Variants in LCLAT1 observed in about 807,000 individuals in gnomAD.
LCLAT1 encodes 1-AGP acyltransferase 8.
LCLAT1 carries 11 observed loss-of-function variants against 30.7 expected under a neutral mutation model. That is an observed-to-expected ratio of 0.36 (90% CI 0.23 to 0.59). LCLAT1 has a LOEUF of 0.59. LCLAT1 is among the 20% of genes least tolerant of loss of function. The pLI is 0.77. For missense variants in LCLAT1, 402 were observed against 458.6 expected (o/e 0.88, Z 1.13); for synonymous variants, 155 against 151.3 (o/e 1.02, Z -0.18).
At chr2:30,536,580 G>T (rs1686255581) in intron 3 of LCLAT1, among the ~76,000 whole-genome samples, 1 of 152,224 alleles carries the variant, frequency 6.6e-6, no homozygotes, top group Admixed American at 6.5e-5. Context: ...CCAGACAAGT[G>T]AAAATGAGGG....
intron 5 of LCLAT1, among the ~76,000 whole-genome samples, chr2:30,605,239 C>G (rs1322366430): frequency 6.6e-6 from 1 of 152,184 alleles, no homozygotes; most frequent in African/African-American, 2.4e-5. Context: ...GCCGTATTTT[C>G]TAATTTAAAT....
chr2:30,548,497 A>G (rs1173509355), intron 3 of LCLAT1, among the ~76,000 whole-genome samples: 1 of 152,190 alleles, frequency 6.6e-6, no homozygotes, highest in African/African-American at 2.4e-5. Flanking sequence ...TTATGTGAAG[A>G]CCTGGGATTA....
rs1360464062 is a variant in LCLAT1, at chr2:30,642,153, G to C, written c.*1534G>C. On this transcript the variant is annotated 3_prime_UTR_variant, in exon 6 of 6. Coordinates refer to ENST00000379509, the MANE Select transcript of LCLAT1 (RefSeq NM_001002257.3). ...CATTGCCATGAAAGGTAAACACATT[G>C]TGAACTGAACTTACCAAGCAGATTC... 6.6e-6 allele frequency: 1 copy of C among 152,094 alleles called. No homozygotes were observed. The highest frequency in any genetic ancestry group is 1.5e-5 in the Non-Finnish European group (1 of 68,018). The allele number at this position is 152,094 out of a possible 1,614,324, so 9.4% of individuals were successfully genotyped here.
At chr2:30,602,512 T>C (rs955378261) in intron 5 of LCLAT1, among the ~76,000 whole-genome samples, 1 of 152,210 alleles carries the variant, frequency 6.6e-6, no homozygotes, top group African/African-American at 2.4e-5. Context: ...GATCCTGCTG[T>C]TGTTTGGCCA....
At chr2:30,493,092 A>G (rs1262901886) in intron 1 of LCLAT1, among the ~76,000 whole-genome samples, 1 of 152,190 alleles carries the variant, frequency 6.6e-6, no homozygotes, top group Non-Finnish European at 1.5e-5. Context: ...GAGATTGTCT[A>G]GTGAAGCAAG....
At chr2:30,557,182 A>G (rs1006829693) in intron 3 of LCLAT1, among the ~76,000 whole-genome samples, 1 of 152,222 alleles carries the variant, frequency 6.6e-6, no homozygotes, top group South Asian at 2.1e-4. Context: ...GAGAATTGCT[A>G]CAGAGAATAC....
intron 1 of LCLAT1, among the ~76,000 whole-genome samples, chr2:30,518,374 T>A (rs1469466485): frequency 6.6e-6 from 1 of 152,202 alleles, no homozygotes; most frequent in East Asian, 1.9e-4. Flanking sequence ...AGGAAAACTC[T>A]TGTAGAAGCA....
chr2:30,488,651 A>G (rs546209769), intron 1 of LCLAT1, among the ~76,000 whole-genome samples: 1 of 152,320 alleles, frequency 6.6e-6, no homozygotes, highest in African/African-American at 2.4e-5. Flanking sequence ...TTAGCACTCA[A>G]TAACTCCCAC....
chr2:30,513,566 G>A (rs1685036914), intron 1 of LCLAT1, among the ~76,000 whole-genome samples: 1 of 151,782 alleles, frequency 6.6e-6, no homozygotes, highest in South Asian at 2.1e-4. Flanking sequence ...TTACTTTTTG[G>A]CCTTTAAACT....
chr2:30,524,966 A>G (rs1400773468), intron 1 of LCLAT1, among the ~76,000 whole-genome samples: 1 of 152,108 alleles, frequency 6.6e-6, no homozygotes, highest in African/African-American at 2.4e-5. Context: ...ACTTCTGGGT[A>G]GGAAAAAACT....
intron 1 of LCLAT1, among the ~76,000 whole-genome samples, chr2:30,515,516 G>A (rs829638): frequency 0.22 from 33,791 of 152,056 alleles, 3,846 homozygotes; most frequent in East Asian, 0.34. Flanking sequence ...AAAGAATAAC[G>A]TACACAGTTA....
At chr2:30,611,422 T>C (rs2148505201) in intron 5 of LCLAT1, among the ~76,000 whole-genome samples, 1 of 152,236 alleles carries the variant, frequency 6.6e-6, no homozygotes. Context: ...GAGAGTGCCA[T>C]GAAAGCAAAA....
At chr2:30,567,976 A>C in intron 4 of LCLAT1, 84 bp from the exon 5 acceptor site, 1 of 685,464 alleles carries the variant, frequency 1.5e-6, no homozygotes, top group Non-Finnish European at 2.5e-6. Flanking sequence ...GCTATTTTTT[A>C]TCAAAAAAAA....
intron 5 of LCLAT1, among the ~76,000 whole-genome samples, chr2:30,637,014 G>GC (rs1046111781): frequency 6.6e-6 from 1 of 152,190 alleles, no homozygotes; most frequent in African/African-American, 2.4e-5. Context: ...GATGTTAGAA[G>GC]CAGAAGTATT....
intron 5 of LCLAT1, among the ~76,000 whole-genome samples, chr2:30,602,212 G>A (rs1343289699): frequency 6.6e-6 from 1 of 152,162 alleles, no homozygotes. Context: ...GATGCTGCTT[G>A]TAGCTGTGTT....
chr2:30,472,324 C>T (rs1202715807), intron 1 of LCLAT1, among the ~76,000 whole-genome samples: 1 of 152,136 alleles, frequency 6.6e-6, no homozygotes, highest in African/African-American at 2.4e-5. Context: ...GATAATTAAG[C>T]CCCTTCTAAG....
At chr2:30,469,328 GA>G (rs1682643997) in intron 1 of LCLAT1, among the ~76,000 whole-genome samples, 1 of 151,978 alleles carries the variant, frequency 6.6e-6, no homozygotes, top group African/African-American at 2.4e-5. Context: ...CCAAGGTTGT[GA>G]AGATTTACCT....
chr2:30,467,577 C>G (rs566130098), intron 1 of LCLAT1, among the ~76,000 whole-genome samples: 1 of 152,342 alleles, frequency 6.6e-6, no homozygotes, highest in South Asian at 2.1e-4. Flanking sequence ...GTTCCTATTT[C>G]TCCACATCCT....
intron 1 of LCLAT1, among the ~76,000 whole-genome samples, chr2:30,472,766 T>G (rs1682861026): frequency 6.6e-6 from 1 of 152,184 alleles, no homozygotes; most frequent in African/African-American, 2.4e-5. Context: ...CTAAATATTT[T>G]TAGGAAGAAA....
Sources: gnomAD v4.1 joint callset for allele counts (sites outside exome capture counted in the v4.1 genomes callset) on GRCh38, gnomAD v4.1.1 for gene constraint, MANE v1.5 for transcripts, NCBI Gene and HGNC (gene_info 2026-07-23, HGNC 2026-07-21) for gene names.